The following ADAMTS13 variants were observed in gnomAD, a reference collection of about 807,000 sequenced individuals.
ADAMTS13 encodes A disintegrin and metalloproteinase with thrombospondin motifs 13.
Under a neutral mutation model 155.1 loss-of-function variants are expected in ADAMTS13, and 110 were observed. The observed-to-expected ratio is 0.71, with a 90% CI of 0.61 to 0.83. ADAMTS13 has a LOEUF of 0.83. ADAMTS13 is among the 40% of genes least tolerant of loss of function. The pLI, the probability that ADAMTS13 is intolerant of heterozygous loss-of-function variation, is 0.00. For synonymous variants in ADAMTS13, 758 were observed against 756.4 expected, an observed-to-expected ratio of 1.00 and a Z score of -0.03; for missense variants, 1,707 against 1,891.7, an observed-to-expected ratio of 0.90 and a Z score of 1.81.
chr9:133,454,388 T>C, intron 23 of ADAMTS13, 27 bp from the exon 24 acceptor site: 1 of 1,612,986 alleles, frequency 6.2e-7, no homozygotes, highest in Non-Finnish European at 8.5e-7. Flanking sequence ...AGACCTAGCC[T>C]CTCTCTGGGG....
chr9:133,427,580 G>A (rs1039939420), intron 6 of ADAMTS13, among the ~76,000 whole-genome samples: 1 of 152,072 alleles, frequency 6.6e-6, no homozygotes, highest in Non-Finnish European at 1.5e-5. Flanking sequence ...TGCAGAAGAC[G>A]TGAGCCCCCA....
intron 8 of ADAMTS13, among the ~76,000 whole-genome samples, chr9:133,431,221 T>C (rs1445604014): frequency 6.6e-6 from 1 of 152,048 alleles, no homozygotes; most frequent in African/African-American, 2.4e-5. Flanking sequence ...CACCTTGGCG[T>C]CCCAAAGCAC....
At chr9:133,454,720 C>A in intron 24 of ADAMTS13, 101 bp downstream of exon 24, 1 of 1,395,224 alleles carries the variant, frequency 7.2e-7, no homozygotes, top group Non-Finnish European at 9.7e-7. Flanking sequence ...CTCATCGTGT[C>A]CCCTGAAAGG....
At chr9:133,426,739 G>GA in intron 6 of ADAMTS13, among the ~76,000 whole-genome samples, 1 of 151,650 alleles carries the variant, frequency 6.6e-6, no homozygotes, top group African/African-American at 2.4e-5. Flanking sequence ...TTGGATCCCT[G>GA]AAAAAAAGGA....
chr9:133,425,095 C>T lies in ADAMTS13; in HGVS notation c.331-434C>T, dbSNP rs1380694067. ...ATCCCAGCACTTTGGGAGGCCAAGG[C>T]GGGTGGATCACCCGAAGTCAGGAGT... On this transcript the variant is annotated intron_variant, in intron 3 of 28. Coordinates refer to ENST00000355699, the MANE Select transcript of ADAMTS13 (RefSeq NM_139027.6). This position sits in a 1 kb window ranked among gnomAD's most constrained non-coding sequence, Gnocchi z 4.6. 2.0e-5 allele frequency among the ~76,000 whole-genome samples: 3 copies of T among 152,188 alleles called. No homozygotes were observed. Among genetic ancestry groups the T allele is most frequent in the African/African-American group, 2.4e-5 (1 of 41,446 alleles).
intron 21 of ADAMTS13, among the ~76,000 whole-genome samples, chr9:133,447,377 C>T (rs149489647): frequency 6.6e-6 from 1 of 152,230 alleles, no homozygotes; most frequent in East Asian, 1.9e-4. Context: ...CTACAACCTC[C>T]ACCACCTGGG....
chr9:133,428,681 G>A lies in ADAMTS13; in HGVS notation c.734G>A (p.Ser245Asn). 7.3e-7 allele frequency: 1 copy of A among 1,360,972 alleles called. No individual in the cohort carries two copies. The highest frequency in any genetic ancestry group is 1.5e-5 in the African/African-American group (1 of 65,854). 84.3% of individuals were successfully genotyped at this position (1,360,972 alleles called of 1,614,324 possible). A position where few individuals can be genotyped will look rare whatever the true frequency, so the allele number is the denominator to read the frequency against. The change falls in exon 7 of 29, where the codon AGC (serine) becomes AAC (asparagine). Residue 245 changes from serine to asparagine, a missense_variant. Transcript: ENST00000355699. ...GCGCCCGGCAGCGGCTGCGGCCCCA[G>A]CGGACACGTGATGGCTTCGGACGGC... ...DGAPGSGCGP[S>N]GHVMASDGAA...
chr9:133,428,622 C>G lies in ADAMTS13; in HGVS notation c.687-12C>G. On this transcript the variant is annotated splice_polypyrimidine_tract_variant and intron_variant, in intron 6 of 28. Transcript: ENST00000355699. The stretch of plus-strand genomic sequence containing the variant: ...CCGGCCGCCTTAGCGCAACTCCCCG[C>G]CCCCCGACCAGCTTCGGCCTGGAGC... 2.3e-6 allele frequency: 3 copies of G among 1,307,038 alleles called. No homozygotes were observed. Among genetic ancestry groups the G allele is most frequent in the Admixed American group, 3.2e-5 (1 of 31,360 alleles). The allele number at this position is 1,307,038 out of a possible 1,614,324, so 81.0% of individuals were successfully genotyped here. A position where few individuals can be genotyped will look rare whatever the true frequency, so the allele number is the denominator to read the frequency against.
chr9:133,420,097 T>A (rs1213310660), upstream of ADAMTS13, among the ~76,000 whole-genome samples: 2 of 151,936 alleles, frequency 1.3e-5, no homozygotes, highest in Non-Finnish European at 2.9e-5. Context: ...AGAGATGGGG[T>A]TTCTCCATGT....
chr9:133,432,749 C>T (rs1840863834), intron 9 of ADAMTS13, 57 bp downstream of exon 9: 2 of 1,500,294 alleles, frequency 1.3e-6, no homozygotes, highest in Non-Finnish European at 1.8e-6. Flanking sequence ...TGGGTGCCTC[C>T]AGCCAGGCCG....
At position 133,454,299 on chromosome 9, in the gene ADAMTS13, G is replaced by A. The variant is rs972492851; in HGVS notation, c.3045-116G>A. On this transcript the variant is annotated intron_variant, in intron 23 of 28. Coordinates refer to ENST00000355699, the MANE Select transcript of ADAMTS13 (RefSeq NM_139027.6). ...GTGGCTGCACTTTCCATCTTGCCTGGCCACGGAAGCTGTCTAGGCAACTGT... is the reference window on the plus strand; with the variant it reads ...GTGGCTGCACTTTCCATCTTGCCTGACCACGGAAGCTGTCTAGGCAACTGT... The A allele has an allele frequency of 3.9e-6, 5 of 1,278,450 alleles. No individual in the cohort carries two copies. In the Admixed American group the frequency reaches 5.3e-5, roughly 14 times the overall value. The allele number at this position is 1,278,450 out of a possible 1,614,324, so 79.2% of individuals were successfully genotyped here.
intron 25 of ADAMTS13, 193 bp downstream of exon 25, chr9:133,455,628 C>T (rs782635762): frequency 6.3e-7 from 1 of 1,597,596 alleles, no homozygotes; most frequent in Non-Finnish European, 8.5e-7. Flanking sequence ...TCCTTCCTGT[C>T]AGGCAGCTGC....
chr9:133,428,568 T>TCCCGCCCCCACCCCCGCCCCCGC (rs1840441886), intron 6 of ADAMTS13, 66 bp from the exon 7 acceptor site: 1 of 124,520 alleles, frequency 8.0e-6, no homozygotes, highest in East Asian at 2.3e-4. Context: ...CCGACCCCCG[T>TCCCGCCCCCACCCCCGCCCCCGC]CCCGCCCCCA....
chr9:133,414,629 G>C, exon 1 of ADAMTS13: 3 of 1,593,920 alleles, frequency 1.9e-6, no homozygotes, highest in Non-Finnish European at 2.6e-6. Flanking sequence ...AAGTCGCTGT[G>C]CCTCGGTTCT....
chr9:133,424,194 G>A lies in ADAMTS13; in HGVS notation c.173-127G>A. On this transcript the variant is annotated intron_variant, in intron 2 of 28. Transcript: ENST00000355699. This position sits in a 1 kb window ranked among gnomAD's most constrained non-coding sequence, Gnocchi z 4.3. Reference sequence around the variant, plus strand: ...ACTAATGGGGTCTGGCTCTTGGGGTGGGGGTGACACGCAATGTCTTGACTT... The same window carrying A: ...ACTAATGGGGTCTGGCTCTTGGGGTAGGGGTGACACGCAATGTCTTGACTT... 1 of 1,445,074 alleles carries A rather than the reference G, an allele frequency of 6.9e-7. No homozygotes were observed. Among genetic ancestry groups the A allele is most frequent in the Admixed American group, 1.7e-5 (1 of 59,608 alleles). 89.5% of individuals were successfully genotyped at this position (1,445,074 alleles called of 1,614,324 possible).
rs1842032854 is a variant in ADAMTS13, at chr9:133,445,867, T to C, written c.2731+48T>C. On this transcript the variant is annotated intron_variant, in intron 21 of 28. Coordinates refer to ENST00000355699, the MANE Select transcript of ADAMTS13 (RefSeq NM_139027.6). This position sits in a 1 kb window ranked among gnomAD's most constrained non-coding sequence, Gnocchi z 5.0. ...TGGGGACCAGCACTCATGGTAACTC[T>C]CCTGTCCACTTGCATCTTGCCTCGT... 1.3e-6 allele frequency: 2 copies of C among 1,519,736 alleles called. No homozygotes were observed. The highest frequency in any genetic ancestry group is 2.8e-5 in the African/African-American group (2 of 72,040). The allele number at this position is 1,519,736 out of a possible 1,614,324, so 94.1% of individuals were successfully genotyped here.
Position 133,425,684 on chromosome 9 carries a change from T to C in ADAMTS13, c.414+72T>C. ...CAAGTCATCGCATCTCCATCCTCTT[T>C]AACCTCTTGTCCCGGATGCCCCAAG... On this transcript the variant is annotated intron_variant, in intron 4 of 28. Coordinates refer to ENST00000355699, the MANE Select transcript of ADAMTS13 (RefSeq NM_139027.6). This position sits in a 1 kb window ranked among gnomAD's most constrained non-coding sequence, Gnocchi z 4.6. 1 of 1,522,640 alleles carries C rather than the reference T, an allele frequency of 6.6e-7. No individual in the cohort carries two copies. Among genetic ancestry groups the C allele is most frequent in the African/African-American group, 1.4e-5 (1 of 72,870 alleles). 94.3% of individuals were successfully genotyped at this position (1,522,640 alleles called of 1,614,324 possible).
In ADAMTS13 at chr9:133,425,079, C is replaced by A. The variant is rs1039843610; in HGVS notation, c.331-450C>A. 2.0e-5 allele frequency among the ~76,000 whole-genome samples: 3 copies of A among 152,192 alleles called. No homozygotes were observed. The highest frequency in any genetic ancestry group is 6.5e-5 in the Admixed American group (1 of 15,280). ...GTGGCTCATGCCTATAATCCCAGCA[C>A]TTTGGGAGGCCAAGGCGGGTGGATC... On this transcript the variant is annotated intron_variant, in intron 3 of 28. Coordinates refer to ENST00000355699, the MANE Select transcript of ADAMTS13 (RefSeq NM_139027.6). This position sits in a 1 kb window ranked among gnomAD's most constrained non-coding sequence, Gnocchi z 4.6.
At chr9:133,450,005 T>C in intron 23 of ADAMTS13, 40 bp downstream of exon 23, 9 of 1,558,240 alleles carry the variant, frequency 5.8e-6, no homozygotes, top group Non-Finnish European at 7.8e-6. Context: ...TCCTGGTGTG[T>C]GCAGATGCCA....
Sources: allele counts gnomAD v4.1 joint callset (sites outside exome capture counted in the v4.1 genomes callset), GRCh38; gene constraint gnomAD v4.1.1; non-coding constraint Gnocchi (gnomAD v3.1); transcripts MANE v1.5; gene names NCBI Gene and HGNC (gene_info 2026-07-23, HGNC 2026-07-21).